NHSL1: variants seen among roughly 807,000 people sequenced by gnomAD.
NHSL1 encodes NHS like 1, also known as NHS-like protein 1.
In NHSL1, 48 loss-of-function variants were observed where a neutral mutation model predicts 95.0. The ratio of observed to expected loss-of-function variants is 0.51; its 90% CI spans 0.40 to 0.64. The LOEUF is 0.64. Ranked by LOEUF, NHSL1 falls within the 30% of genes least tolerant of loss-of-function variation. The pLI is 0.00. For missense variants in NHSL1, 1,971 were observed against 2,077.7 expected (o/e 0.95, Z 1.00); for synonymous variants, 783 against 833.9 (o/e 0.94, Z 1.05).
intron 1 of NHSL1, among the ~76,000 whole-genome samples, chr6:138,631,145 C>T (rs888873429): frequency 2.0e-5 from 3 of 152,148 alleles, no homozygotes. Context: ...CAGCTGACGC[C>T]CGCCCACGCA....
chr6:138,520,906 T>A (rs1781652945), intron 1 of NHSL1, among the ~76,000 whole-genome samples: 1 of 152,132 alleles, frequency 6.6e-6, no homozygotes, highest in South Asian at 2.1e-4. Flanking sequence ...TGGATATAAT[T>A]TGGAGGTAGA....
At chr6:138,436,255 G>A (rs569814514) in intron 5 of NHSL1, among the ~76,000 whole-genome samples, 6 of 152,282 alleles carry the variant, frequency 3.9e-5, no homozygotes, top group East Asian at 3.9e-4. Context: ...ACAGTTAACC[G>A]AGCTGTGACT....
At chr6:138,669,474 G>T (rs1238450046) in intron 1 of NHSL1, among the ~76,000 whole-genome samples, 1 of 152,098 alleles carries the variant, frequency 6.6e-6, no homozygotes, top group African/African-American at 2.4e-5. Context: ...TGGAAGTAGA[G>T]GTGAATTGAT....
At chr6:138,663,591 C>T (rs575140997) in intron 1 of NHSL1, among the ~76,000 whole-genome samples, 1 of 150,028 alleles carries the variant, frequency 6.7e-6, no homozygotes, top group East Asian at 2.0e-4. Context: ...ATTTCTAGGC[C>T]GGGCACGGTG....
At chr6:138,489,254 G>T (rs1468396973) in intron 2 of NHSL1, among the ~76,000 whole-genome samples, 5 of 152,020 alleles carry the variant, frequency 3.3e-5, no homozygotes, top group Admixed American at 3.3e-4. Flanking sequence ...CACATTGAGG[G>T]GCAGGTACAT....
At chr6:138,525,579 A>AT (rs1211392098) in intron 1 of NHSL1, among the ~76,000 whole-genome samples, 3 of 148,714 alleles carry the variant, frequency 2.0e-5, no homozygotes, top group African/African-American at 5.0e-5. Context: ...AAATAAATAA[A>AT]AAGGGAAAGA....
chr6:138,661,010 T>C lies in NHSL1; in HGVS notation c.96+31466A>G, dbSNP rs555473510. 7.8e-4 allele frequency among the ~76,000 whole-genome samples: 118 copies of C among 152,252 alleles called. 1 individual carries two copies. Among genetic ancestry groups the C allele is most frequent in the African/African-American group, 2.7e-3 (113 of 41,554 alleles). On this transcript the variant is annotated intron_variant, in intron 1 of 3. Coordinates refer to the NHSL1 transcript ENST00000491526. Reference sequence around the variant, plus strand: ...CTGGGGCTAGTCCTTTGGTCTTATATACTATATTATGGCTTCTTTAAAGAA... The same window carrying C: ...CTGGGGCTAGTCCTTTGGTCTTATACACTATATTATGGCTTCTTTAAAGAA...
At chr6:138,549,646 G>A (rs999310947), upstream of NHSL1, among the ~76,000 whole-genome samples, 10 of 152,342 alleles carry the variant, frequency 6.6e-5, no homozygotes, top group Admixed American at 3.9e-4. Flanking sequence ...ATTTGTTACA[G>A]TGACTCTAGG....
chr6:138,469,797 G>A (rs1305931838), intron 3 of NHSL1, among the ~76,000 whole-genome samples: 1 of 152,030 alleles, frequency 6.6e-6, no homozygotes, highest in Non-Finnish European at 1.5e-5. Context: ...GCAATTAATC[G>A]AATCATGAGG....
chr6:138,496,001 A>C (rs1288476676), intron 2 of NHSL1, among the ~76,000 whole-genome samples: 1 of 152,148 alleles, frequency 6.6e-6, no homozygotes, highest in Non-Finnish European at 1.5e-5. Flanking sequence ...CTCCTACAAC[A>C]CAGGGGAATT....
intron 1 of NHSL1, among the ~76,000 whole-genome samples, chr6:138,603,987 G>C (rs1039882247): frequency 5.3e-5 from 8 of 152,100 alleles, no homozygotes; most frequent in African/African-American, 1.9e-4. Context: ...GAATGGATGG[G>C]GCAATAAAAA....
intron 1 of NHSL1, among the ~76,000 whole-genome samples, chr6:138,621,024 A>G (rs72975302): frequency 0.07 from 10,706 of 152,202 alleles, 638 homozygotes; most frequent in African/African-American, 0.16. Flanking sequence ...GGGATAAGGG[A>G]GAAGTAAGAA....
intron 3 of NHSL1, among the ~76,000 whole-genome samples, chr6:138,455,536 ACATGCTCCCTGCAAGGAGCCCCGCCTTCG>A (rs1562287992): frequency 1.3e-3 from 38 of 30,296 alleles, no homozygotes; most frequent in East Asian, 2.6e-3. Context: ...CCCCGCCTTC[ACATGCTCCCTGCAAGGAGCCCCGCCTTCG>A]CATGCTTCCT....
At chr6:138,526,104 A>G (rs1163890899) in intron 1 of NHSL1, among the ~76,000 whole-genome samples, 1 of 151,964 alleles carries the variant, frequency 6.6e-6, no homozygotes, top group Non-Finnish European at 1.5e-5. Flanking sequence ...AAAAAAAAAA[A>G]AAAAGAAAAT....
chr6:138,506,853 TA>T (rs1583323127), intron 1 of NHSL1, among the ~76,000 whole-genome samples: 1 of 152,156 alleles, frequency 6.6e-6, no homozygotes, highest in Admixed American at 6.6e-5. Flanking sequence ...TATGGCAGAT[TA>T]AAAAAACTAC....
chr6:138,500,593 C>G (rs1780621149), upstream of NHSL1, among the ~76,000 whole-genome samples: 1 of 152,194 alleles, frequency 6.6e-6, no homozygotes, highest in South Asian at 2.1e-4. Flanking sequence ...TAATAATCCA[C>G]TAATTCAAAA....
intron 1 of NHSL1, among the ~76,000 whole-genome samples, chr6:138,642,223 A>G (rs552918277): frequency 2.0e-5 from 3 of 152,202 alleles, no homozygotes; most frequent in African/African-American, 7.2e-5. Context: ...AAAATTAAAA[A>G]TTAAAATTTT....
At chr6:138,536,917 C>T (rs7765207) in intron 1 of NHSL1, among the ~76,000 whole-genome samples, 74,381 of 151,858 alleles carry the variant, frequency 0.49, 19,468 homozygotes, top group African/African-American at 0.68. Flanking sequence ...GAAAAATAGG[C>T]TGCCAATTAC....
intron 3 of NHSL1, among the ~76,000 whole-genome samples, chr6:138,458,840 AAC>A (rs1554227384): frequency 6.6e-6 from 1 of 150,446 alleles, no homozygotes; most frequent in Non-Finnish European, 1.5e-5. Flanking sequence ...AAAAAAAAAA[AAC>A]AAAAAAAAAA....
Sources: gnomAD v4.1 joint callset for allele counts (sites outside exome capture counted in the v4.1 genomes callset) on GRCh38, gnomAD v4.1.1 for gene constraint, MANE v1.5 for transcripts, NCBI Gene and HGNC (gene_info 2026-07-23, HGNC 2026-07-21) for gene names.